BICDL1: variants seen among roughly 807,000 people sequenced by gnomAD.
BICDL1 encodes the protein BICD family-like cargo adapter 1.
In BICDL1, 20 loss-of-function variants were observed where a neutral mutation model predicts 76.8. The observed-to-expected ratio is 0.26, with a 90% CI of 0.18 to 0.38. The LOEUF (loss-of-function observed/expected upper bound fraction) is 0.38. Among genes scored for constraint, BICDL1 ranks in the 10% least tolerant of loss-of-function variants. The probability of loss-of-function intolerance (pLI) is 1.00; values close to 1 mark genes in which losing one functional copy is unlikely to be tolerated. For missense variants in BICDL1, 700 were observed against 798.6 expected, an observed-to-expected ratio of 0.88 and a Z score of 1.49; for synonymous variants, 383 against 337.1, an observed-to-expected ratio of 1.14 and a Z score of -1.49.
intron 2 of BICDL1, among the ~76,000 whole-genome samples, chr12:120,016,108 G>C (rs2138688189): frequency 6.6e-6 from 1 of 152,270 alleles, no homozygotes; most frequent in South Asian, 2.1e-4. Context: ...TTTTCTGTCT[G>C]TATTGATTTT....
intron 2 of BICDL1, among the ~76,000 whole-genome samples, chr12:120,006,608 T>C (rs1951855310): frequency 6.6e-6 from 1 of 152,080 alleles, no homozygotes; most frequent in African/African-American, 2.4e-5. Context: ...GAAGGAACCT[T>C]TGGGGAGGTG....
At chr12:119,998,764 G>A in intron 2 of BICDL1, 28 bp downstream of exon 2, 2 of 1,594,582 alleles carry the variant, frequency 1.3e-6, no homozygotes, top group Non-Finnish European at 8.6e-7. Flanking sequence ...AATTTAAGAT[G>A]TAAAATACTA....
At chr12:120,008,531 C>T (rs1951893745) in intron 2 of BICDL1, among the ~76,000 whole-genome samples, 1 of 152,150 alleles carries the variant, frequency 6.6e-6, no homozygotes, top group Non-Finnish European at 1.5e-5. Context: ...CAAGGCCTTG[C>T]AAAGGTTACA....
intron 2 of BICDL1, among the ~76,000 whole-genome samples, chr12:120,023,525 A>G (rs1186131358): frequency 6.6e-6 from 1 of 152,258 alleles, no homozygotes; most frequent in African/African-American, 2.4e-5. Context: ...ACAGTGGCTC[A>G]TGCCTGTAAT....
intron 2 of BICDL1, among the ~76,000 whole-genome samples, chr12:120,040,873 G>C (rs570478973): frequency 6.6e-6 from 1 of 150,636 alleles, no homozygotes; most frequent in Admixed American, 6.6e-5. Context: ...TCAGCCTCAC[G>C]AGTAGCTTGG....
intron 1 of BICDL1, among the ~76,000 whole-genome samples, chr12:119,994,840 A>G (rs972429152): frequency 2.6e-5 from 4 of 152,226 alleles, no homozygotes; most frequent in African/African-American, 9.6e-5. Flanking sequence ...CTGGAAAGAT[A>G]GTACAGAGAG....
chr12:120,019,172 G>A (rs1256109021), intron 2 of BICDL1: 1 of 152,058 alleles, frequency 6.6e-6, no homozygotes, highest in Non-Finnish European at 1.5e-5. Flanking sequence ...AACAGAGCAG[G>A]TCAAAACTTG....
intron 2 of BICDL1, among the ~76,000 whole-genome samples, chr12:120,002,952 T>A (rs1459527199): frequency 6.6e-6 from 1 of 152,054 alleles, no homozygotes; most frequent in Admixed American, 6.6e-5. Context: ...AGGTCAGGCA[T>A]TTGAGACCAG....
chr12:120,087,847 TGTC>T lies in BICDL1; in HGVS notation c.1584-2102_1584-2100del, dbSNP rs374595024. 5.9e-3 allele frequency among the ~76,000 whole-genome samples: 894 copies of T among 152,330 alleles called. 9 individuals carry two copies. The highest frequency in any genetic ancestry group is 0.02 in the African/African-American group (818 of 41,570). ...GTGAAAATAAAAAAATGCAAAATAA[TGTC>T]GGAGGAGTTACCCATCAGTAATCAT... On this transcript the variant is annotated intron_variant, in intron 8 of 9. Coordinates refer to ENST00000548673, the MANE Select transcript of BICDL1 (RefSeq NM_001367886.1).
chr12:120,072,416 TG>T, intron 5 of BICDL1, 94 bp from the exon 6 acceptor site: 1 of 1,132,768 alleles, frequency 8.8e-7, no homozygotes, highest in South Asian at 1.3e-5. Flanking sequence ...ACTGGTGTCT[TG>T]GGTATCAGTA....
At chr12:120,011,405 T>C (rs1951950202) in intron 2 of BICDL1, among the ~76,000 whole-genome samples, 3 of 152,242 alleles carry the variant, frequency 2.0e-5, no homozygotes, top group South Asian at 4.1e-4. Context: ...TTCAGTTTTC[T>C]AAAGAGATTA....
chr12:120,041,651 A>G (rs1206256169), intron 2 of BICDL1, among the ~76,000 whole-genome samples: 2 of 152,178 alleles, frequency 1.3e-5, no homozygotes, highest in Non-Finnish European at 2.9e-5. Context: ...GGGTGAGCAG[A>G]GGAGGCCTCT....
chr12:120,021,586 CAAAAAAAAAAA>C (rs145151630), intron 2 of BICDL1, among the ~76,000 whole-genome samples: 5 of 46,310 alleles, frequency 1.1e-4, no homozygotes, highest in East Asian at 1.3e-3. Flanking sequence ...GACTCCATCT[CAAAAAAAAAAA>C]AAAAAAAAAA....
chr12:120,086,929 C>T (rs1421046304), intron 8 of BICDL1, among the ~76,000 whole-genome samples: 1 of 152,250 alleles, frequency 6.6e-6, no homozygotes, highest in East Asian at 1.9e-4. Context: ...GCAGCCCCTG[C>T]CTCAGGGCGT....
intron 2 of BICDL1, among the ~76,000 whole-genome samples, chr12:120,056,170 C>T (rs1159109461): frequency 6.6e-6 from 1 of 152,176 alleles, no homozygotes. Flanking sequence ...GAGATTTTAA[C>T]TTTCATTTTA....
chr12:120,045,532 A>G (rs1354098045), intron 2 of BICDL1, among the ~76,000 whole-genome samples: 4 of 152,152 alleles, frequency 2.6e-5, no homozygotes, highest in South Asian at 2.1e-4. Context: ...ATGTCCAACA[A>G]TGATAGACTG....
intron 2 of BICDL1, among the ~76,000 whole-genome samples, chr12:120,008,587 A>G (rs1951895138): frequency 6.6e-6 from 1 of 152,234 alleles, no homozygotes; most frequent in South Asian, 2.1e-4. Context: ...ATCTTCCAGG[A>G]TGGGTAGTCA....
At position 120,074,573 on chromosome 12, in the gene BICDL1, G is replaced by A. The variant is rs755109643; in HGVS notation, c.1439G>A (p.Arg480Gln). The change falls in exon 7 of 10, where the codon CGA becomes CAA. Residue 480 changes from arginine (R) to glutamine (Q), a missense_variant. Arg to Gln is a conservative substitution (Grantham distance 43). Around this residue, in one of 3 missense-constraint regions of BICDL1, gnomAD observed 455 missense variants for 548.7 expected, o/e 0.83. Transcript: ENST00000548673. Reference sequence around the variant, plus strand: ...AGGCAAAGCCTAGAAGAGCTGCAGCGACTCCACAGTCAGGTGAGCACCCCA... The same window carrying A: ...AGGCAAAGCCTAGAAGAGCTGCAGCAACTCCACAGTCAGGTGAGCACCCCA... ...KLRQSLEELQ[R>Q]LHSQVTLLSV... 2.2e-5 allele frequency: 27 copies of A among 1,238,950 alleles called. No individual in the cohort carries two copies. The highest frequency in any genetic ancestry group is 2.7e-5 in the Non-Finnish European group (26 of 963,434). The allele number at this position is 1,238,950 out of a possible 1,614,324, so 76.7% of individuals were successfully genotyped here.
chr12:120,015,802 C>T (rs1952048684), intron 2 of BICDL1, among the ~76,000 whole-genome samples: 2 of 152,228 alleles, frequency 1.3e-5, no homozygotes, highest in Admixed American at 6.5e-5. Flanking sequence ...AATTCCTTTT[C>T]CATTGTCCAG....
Sources: allele counts gnomAD v4.1 joint callset (sites outside exome capture counted in the v4.1 genomes callset), GRCh38; gene constraint gnomAD v4.1.1; regional missense constraint gnomAD v4.1.1; transcripts MANE v1.5; gene names NCBI Gene and HGNC (gene_info 2026-07-23, HGNC 2026-07-21).